The following EIF4G2 variants were observed in gnomAD, a reference collection of about 807,000 sequenced individuals.
EIF4G2 encodes DAP-5.
EIF4G2 carries 8 observed loss-of-function variants against 117.7 expected under a neutral mutation model. The observed-to-expected ratio is 0.07, with a 90% CI of 0.04 to 0.12. The LOEUF is 0.12. Among genes scored for constraint, EIF4G2 ranks in the 10% least tolerant of loss-of-function variants. The probability of loss-of-function intolerance (pLI) is 1.00; values close to 1 mark genes in which losing one functional copy is unlikely to be tolerated. For synonymous variants in EIF4G2, 413 were observed against 367.8 expected, an observed-to-expected ratio of 1.12 and a Z score of -1.41; for missense variants, 812 against 1,086.2, an observed-to-expected ratio of 0.75 and a Z score of 3.55.
rs1459415163 is a variant in EIF4G2, at chr11:10,803,691, T to C, written c.703-101A>G. On this transcript the variant is annotated intron_variant, in intron 8 of 21. Coordinates refer to ENST00000339995, the MANE Select transcript of EIF4G2 (RefSeq NM_001418.4). The surrounding 1 kb of genome is among the most constrained non-coding windows in gnomAD (Gnocchi z 4.0). ...TTTGCACTGACTCATTCACAGTTCCTACAGAATCTAGTATAGGGCTTTCTA... is the reference window on the plus strand; with the variant it reads ...TTTGCACTGACTCATTCACAGTTCCCACAGAATCTAGTATAGGGCTTTCTA... 1.7e-6 allele frequency: 2 copies of C among 1,202,266 alleles called. No individual in the cohort carries two copies. The highest frequency in any genetic ancestry group is 3.0e-5 in the African/African-American group (2 of 66,510). The allele number at this position is 1,202,266 out of a possible 1,614,324, so 74.5% of individuals were successfully genotyped here.
intron 13 of EIF4G2, 137 bp from the exon 14 acceptor site, chr11:10,801,911 G>A (rs1847430105): frequency 6.5e-6 from 7 of 1,075,110 alleles, no homozygotes; most frequent in South Asian, 3.1e-5. Context: ...ATGAAACAGG[G>A]AAGAATAAAA....
chr11:10,808,493 CACTG>C (rs1205227901), intron 1 of EIF4G2: 1 of 1,245,306 alleles, frequency 8.0e-7, no homozygotes, highest in African/African-American at 1.6e-5. Flanking sequence ...GCCTGGCCAA[CACTG>C]ACGTTTTCCT....
chr11:10,808,485 C>G (rs1287363349), intron 1 of EIF4G2: 2 of 1,248,180 alleles, frequency 1.6e-6, no homozygotes, highest in African/African-American at 3.2e-5. Context: ...GCACGGCGGC[C>G]TGGCCAACAC....
Position 10,802,164 on chromosome 11 carries a change from G to A in EIF4G2, c.1184C>T (p.Ser395Leu). 6.2e-7 allele frequency: 1 copy of A among 1,614,216 alleles called. No individual in the cohort carries two copies. Among genetic ancestry groups the A allele is most frequent in the South Asian group, 1.1e-5 (1 of 91,084 alleles). The change falls in exon 13 of 22, where the codon TCA becomes TTA. Residue 395 changes from serine (S) to leucine (L), a missense_variant. Transcript: ENST00000339995. Reference sequence around the variant, plus strand: ...TGAACGATGACGTCCCATGGTGGGTGAAAATCTATCCTGGATAACTCCTGG... The same window carrying A: ...TGAACGATGACGTCCCATGGTGGGTAAAAATCTATCCTGGATAACTCCTGG...
At chr11:10,802,927 G>T in intron 11 of EIF4G2, 103 bp downstream of exon 11, 1 of 954,376 alleles carries the variant, frequency 1.0e-6, no homozygotes, top group Non-Finnish European at 1.6e-6. Flanking sequence ...CCACCACTAA[G>T]ATGAGACAGA....
At chr11:10,798,916 T>TG in intron 21 of EIF4G2, 76 bp downstream of exon 21, 3 of 1,534,770 alleles carry the variant, frequency 2.0e-6, no homozygotes, top group South Asian at 2.5e-5. Context: ...GTATTTCAGT[T>TG]GAAAAAGGCT....
At position 10,804,991 on chromosome 11, in the gene EIF4G2, T is replaced by C. The variant is rs1847522561; in HGVS notation, c.273A>G (p.Glu91=). The C allele has an allele frequency of 1.2e-6, 2 of 1,614,056 alleles. No homozygotes were observed. Among genetic ancestry groups the C allele is most frequent in the East Asian group, 2.2e-5 (1 of 44,864 alleles). Residue 91 remains glutamate (E), a synonymous_variant, in exon 5 of 22, where the codon GAA becomes GAG. Transcript: ENST00000339995. ...GCTCAAGGCATAGCTTGTCAAACTT[T>C]TCAGGAGTAAGCTTATTTAGTATGC... is the stretch of plus-strand genomic sequence containing the variant.
At position 10,797,947 on chromosome 11, in the gene EIF4G2, T is replaced by C. The variant is rs1847303977; in HGVS notation, c.2659-66A>G. 1 of 1,420,660 alleles carries C rather than the reference T, an allele frequency of 7.0e-7. No homozygotes were observed. Among genetic ancestry groups the C allele is most frequent in the Non-Finnish European group, 9.9e-7 (1 of 1,011,902 alleles). 88.0% of individuals were successfully genotyped at this position (1,420,660 alleles called of 1,614,324 possible). A position where few individuals can be genotyped will look rare whatever the true frequency, so the allele number is the denominator to read the frequency against. ...AAACAGAAATCCATCCAAAAAGTTT[T>C]AGGTGGTACTACACAGTTTTAGAAT... On this transcript the variant is annotated intron_variant, in intron 21 of 21. Transcript: ENST00000339995. The surrounding 1 kb of genome is among the most constrained non-coding windows in gnomAD (Gnocchi z 4.5).
In EIF4G2 at chr11:10,802,043, A is replaced by AATAG. The variant is rs765625535; in HGVS notation, c.1299+5_1299+6insCTAT. 3.1e-6 allele frequency: 5 copies of AATAG among 1,610,856 alleles called. No individual in the cohort carries two copies. The highest frequency in any genetic ancestry group is 3.4e-6 in the Non-Finnish European group (4 of 1,177,832). ...TAGAAAACATGCACACTCAAATATT[A>AATAG]CTTACCTGGCTTTTCATAAACTTGC... On this transcript the variant is annotated splice_donor_region_variant and intron_variant, in intron 13 of 21. Coordinates refer to ENST00000339995, the MANE Select transcript of EIF4G2 (RefSeq NM_001418.4).
At position 10,804,068 on chromosome 11, in the gene EIF4G2, G is replaced by A. The variant is rs769609561; in HGVS notation, c.551-18C>T. 4 of 1,612,850 alleles carry A rather than the reference G, an allele frequency of 2.5e-6. No individual in the cohort carries two copies. Among genetic ancestry groups the A allele is most frequent in the South Asian group, 1.1e-5 (1 of 91,046 alleles). On this transcript the variant is annotated intron_variant, in intron 7 of 21. Coordinates refer to ENST00000339995, the MANE Select transcript of EIF4G2 (RefSeq NM_001418.4). ...ATCATAGACTGAAAAAGATACCAAT[G>A]AAGTAAGCCAACATTCAGAATTAAG...
Sources: gnomAD v4.1 joint callset for allele counts on GRCh38, gnomAD v4.1.1 for gene constraint, Gnocchi (gnomAD v3.1) non-coding constraint, MANE v1.5 for transcripts, NCBI Gene and HGNC (gene_info 2026-07-23, HGNC 2026-07-21) for gene names.